Variants in RPTOR observed in about 807,000 individuals in gnomAD.
RPTOR encodes the protein regulatory associated protein of MTOR complex 1, also known as regulatory-associated protein of mTOR.
RPTOR carries 21 observed loss-of-function variants against 169.9 expected under a neutral mutation model. That is an observed-to-expected ratio of 0.12 (90% CI 0.09 to 0.18). RPTOR has a LOEUF of 0.18. Among genes scored for constraint, RPTOR ranks in the 10% least tolerant of loss-of-function variants. The probability of loss-of-function intolerance (pLI) is 1.00; values close to 1 mark genes in which losing one functional copy is unlikely to be tolerated. For missense variants in RPTOR, 1,133 were observed against 1,855.9 expected, an observed-to-expected ratio of 0.61 and a Z score of 7.16; for synonymous variants, 732 against 753.2, an observed-to-expected ratio of 0.97 and a Z score of 0.46.
At chr17:80,694,220 C>T (rs1414037427) in intron 3 of RPTOR, among the ~76,000 whole-genome samples, 2 of 152,172 alleles carry the variant, frequency 1.3e-5, no homozygotes, top group East Asian at 3.9e-4. Context: ...AGGCAGTTGC[C>T]CCGTGCTCAC....
chr17:80,633,368 G>T lies in RPTOR; in HGVS notation c.265+7575G>T, dbSNP rs1193783129. On this transcript the variant is annotated intron_variant, in intron 2 of 33. Transcript: ENST00000306801. This position sits in a 1 kb window ranked among gnomAD's most constrained non-coding sequence, Gnocchi z 4.1. The stretch of plus-strand genomic sequence containing the variant: ...CCAGGAATGTCCTTTGTAGCGCCAG[G>T]ATCCTGCTCAGCCATGCGCCATCCT... 6.6e-6 allele frequency among the ~76,000 whole-genome samples: 1 copy of T among 152,214 alleles called. No individual in the cohort carries two copies. The highest frequency in any genetic ancestry group is 1.5e-5 in the Non-Finnish European group (1 of 68,044).
intron 24 of RPTOR, among the ~76,000 whole-genome samples, chr17:80,934,523 G>A (rs1201657261): frequency 6.6e-6 from 1 of 152,092 alleles, no homozygotes; most frequent in Non-Finnish European, 1.5e-5. Flanking sequence ...CAGACACAGC[G>A]AATTTTGAAA....
chr17:80,809,198 A>C (rs1343267051), intron 7 of RPTOR, among the ~76,000 whole-genome samples: 1 of 151,750 alleles, frequency 6.6e-6, no homozygotes, highest in Non-Finnish European at 1.5e-5. Context: ...GGTTTTTTTT[A>C]TTTTATTTTT....
At chr17:80,725,968 A>AG (rs1432459857) in intron 4 of RPTOR, among the ~76,000 whole-genome samples, 2 of 152,224 alleles carry the variant, frequency 1.3e-5, no homozygotes, top group Non-Finnish European at 2.9e-5. Flanking sequence ...GGCAATGTCC[A>AG]GCAACCTGGA....
At chr17:80,917,337 C>T (rs975896245) in intron 21 of RPTOR, among the ~76,000 whole-genome samples, 32 of 152,214 alleles carry the variant, frequency 2.1e-4, no homozygotes, top group African/African-American at 7.5e-4. Context: ...TGGTCTTGAA[C>T]TCCCGACCTC....
At chr17:80,669,033 G>A (rs2065802248) in intron 3 of RPTOR, among the ~76,000 whole-genome samples, 1 of 152,240 alleles carries the variant, frequency 6.6e-6, no homozygotes, top group Admixed American at 6.5e-5. Context: ...TGCCCCTGCA[G>A]CCAGGGCTTT....
chr17:80,735,813 A>G (rs2066429250), intron 5 of RPTOR, among the ~76,000 whole-genome samples: 1 of 152,128 alleles, frequency 6.6e-6, no homozygotes, highest in South Asian at 2.1e-4. Context: ...GGTGGGAGCC[A>G]TGGAAATAGC....
intron 1 of RPTOR, among the ~76,000 whole-genome samples, chr17:80,547,024 GCACCATTGCA>G (rs1054002861): frequency 1.3e-3 from 197 of 152,228 alleles, no homozygotes; most frequent in African/African-American, 4.2e-3. Flanking sequence ...AGCCGAAATC[GCACCATTGCA>G]CTCCAGCCTA....
In RPTOR at chr17:80,688,119, G is replaced by A. The variant is rs184282250; in HGVS notation, c.349-19722G>A. 2.1e-3 allele frequency among the ~76,000 whole-genome samples: 318 copies of A among 152,326 alleles called. 3 individuals carry two copies. The Middle Eastern group carries it at 0.024, about 11-fold the overall frequency. ...ACTGGGATGCTTTTATTGATAAGTAGTCAGATGCCTGTTAAGTGACATTTA... is the reference window on the plus strand; with the variant it reads ...ACTGGGATGCTTTTATTGATAAGTAATCAGATGCCTGTTAAGTGACATTTA... On this transcript the variant is annotated intron_variant, in intron 3 of 33. Transcript: ENST00000306801.
Position 80,796,416 on chromosome 17 carries a change from A to C in RPTOR, c.890+4907A>C, listed in dbSNP as rs573712151. On this transcript the variant is annotated intron_variant, in intron 7 of 33. Transcript: ENST00000306801. ...TGCATGGCTAGGGAGGCCTCAGGAA[A>C]CTTACAGTCATGGCAGAAAGGGAAG... Among the ~76,000 whole-genome samples, 3 of 152,284 alleles carry C rather than the reference A, an allele frequency of 2.0e-5. No homozygotes were observed. In the East Asian group the frequency reaches 5.8e-4, roughly 29 times the overall value.
intron 10 of RPTOR, among the ~76,000 whole-genome samples, chr17:80,838,665 C>A (rs562666661): frequency 6.6e-6 from 1 of 152,198 alleles, no homozygotes; most frequent in African/African-American, 2.4e-5. Context: ...AGGGAGCAAT[C>A]GGCAAGAGGG....
chr17:80,822,998 TAGA>T (rs2067399226), intron 8 of RPTOR, 78 bp from the exon 9 acceptor site: 1 of 1,491,930 alleles, frequency 6.7e-7, no homozygotes, highest in Non-Finnish European at 9.1e-7. Context: ...TAATTTTTGA[TAGA>T]AGTGAATTTG....
chr17:80,854,924 G>C (rs2067836159), intron 11 of RPTOR, among the ~76,000 whole-genome samples: 1 of 152,154 alleles, frequency 6.6e-6, no homozygotes, highest in African/African-American at 2.4e-5. Context: ...GTAAAAGTAG[G>C]AACATTTTGA....
At chr17:80,598,885 TA>T (rs398041949) in intron 1 of RPTOR, among the ~76,000 whole-genome samples, 43 of 117,648 alleles carry the variant, frequency 3.7e-4, no homozygotes, top group Non-Finnish European at 6.1e-4. Context: ...TGATTCTTTC[TA>T]TCTATCTATC....
At chr17:80,571,368 T>G (rs1389814007) in intron 1 of RPTOR, among the ~76,000 whole-genome samples, 1 of 152,182 alleles carries the variant, frequency 6.6e-6, no homozygotes, top group Non-Finnish European at 1.5e-5. Context: ...TACAATTCCA[T>G]CAGTATTTAT....
intron 3 of RPTOR, among the ~76,000 whole-genome samples, chr17:80,672,062 A>G (rs1043312267): frequency 3.9e-5 from 6 of 152,344 alleles, no homozygotes; most frequent in Admixed American, 3.9e-4. Context: ...AAGGGCTAAT[A>G]TCACAAGGTA....
rs574866537 is a variant in RPTOR at position 80,878,433 on chromosome 17, G to A, written c.1510-1982G>A. Among the ~76,000 whole-genome samples, 12 of 151,808 alleles carry A rather than the reference G, an allele frequency of 7.9e-5. No individual in the cohort carries two copies. The highest frequency in any genetic ancestry group is 2.2e-4 in the African/African-American group (9 of 41,348). On this transcript the variant is annotated intron_variant, in intron 13 of 33. Transcript: ENST00000306801. This position sits in a 1 kb window ranked among gnomAD's most constrained non-coding sequence, Gnocchi z 4.1. ...GCGATCTCAGCTCACTACAGCCTCC[G>A]CCTCCCAGGTTCCAGCGATTCTCCT...
intron 9 of RPTOR, among the ~76,000 whole-genome samples, chr17:80,833,954 G>A (rs1276525213): frequency 6.6e-6 from 1 of 152,210 alleles, no homozygotes; most frequent in African/African-American, 2.4e-5. Flanking sequence ...GCACCACTGC[G>A]CTCCAGCATA....
intron 20 of RPTOR, among the ~76,000 whole-genome samples, chr17:80,897,197 G>A (rs1038935256): frequency 2.0e-5 from 3 of 151,670 alleles, no homozygotes; most frequent in Admixed American, 6.6e-5. Context: ...TGCAGTGAGC[G>A]GAGATCACAC....
Sources: allele counts gnomAD v4.1 joint callset (sites outside exome capture counted in the v4.1 genomes callset), GRCh38; gene constraint gnomAD v4.1.1; non-coding constraint Gnocchi (gnomAD v3.1); transcripts MANE v1.5; gene names NCBI Gene and HGNC (gene_info 2026-07-23, HGNC 2026-07-21).